ATG7: variants seen among roughly 807,000 people sequenced by gnomAD.
ATG7 encodes the protein autophagy related 7, also known as ubiquitin-like modifier-activating enzyme ATG7.
ATG7 carries 70 observed loss-of-function variants against 82.4 expected under a neutral mutation model. The ratio of observed to expected loss-of-function variants is 0.85; its 90% CI spans 0.70 to 1.04. ATG7 has a LOEUF of 1.04. Ranked by LOEUF, ATG7 falls within the 50% of genes least tolerant of loss-of-function variation. The pLI is 0.00. For missense variants in ATG7, 792 were observed against 864.3 expected (o/e 0.92, Z 1.05); for synonymous variants, 287 against 313.0 (o/e 0.92, Z 0.88).
At chr3:11,336,019 A>G (rs1023223895) in intron 11 of ATG7, among the ~76,000 whole-genome samples, 2 of 146,610 alleles carry the variant, frequency 1.4e-5, no homozygotes, top group Non-Finnish European at 3.0e-5. Flanking sequence ...TACAGGCATG[A>G]GCCACTGTGC....
At chr3:11,526,414 A>C (rs1284381532) in intron 20 of ATG7, among the ~76,000 whole-genome samples, 3 of 152,108 alleles carry the variant, frequency 2.0e-5, no homozygotes, top group Admixed American at 1.3e-4. Context: ...AAAAACCCCC[A>C]GACAACAAGA....
At chr3:11,477,382 T>C in intron 20 of ATG7, 1 of 939,164 alleles carries the variant, frequency 1.1e-6, no homozygotes. Flanking sequence ...TGCTGTGAAA[T>C]GCTAAATGGA....
intron 18 of ATG7, among the ~76,000 whole-genome samples, chr3:11,375,293 G>A (rs1050066036): frequency 3.3e-5 from 5 of 152,164 alleles, no homozygotes; most frequent in African/African-American, 1.2e-4. Context: ...TCCAGAATAT[G>A]TAACAAACTT....
intron 7 of ATG7, among the ~76,000 whole-genome samples, chr3:11,312,473 T>C (rs1336245587): frequency 2.6e-5 from 4 of 152,196 alleles, no homozygotes; most frequent in South Asian, 2.1e-4. Flanking sequence ...CGGTCAGATA[T>C]ACCCGTGAAG....
chr3:11,301,768 A>T (rs1165164205), intron 5 of ATG7, among the ~76,000 whole-genome samples: 1 of 152,242 alleles, frequency 6.6e-6, no homozygotes, highest in Admixed American at 6.5e-5. Context: ...GGGGAGCATC[A>T]ACAGTCTGTT....
At chr3:11,352,077 C>T (rs1425543290) in intron 14 of ATG7, among the ~76,000 whole-genome samples, 4 of 149,742 alleles carry the variant, frequency 2.7e-5, no homozygotes, top group Admixed American at 1.3e-4. Flanking sequence ...GTTCAATTCC[C>T]ACATATGAGT....
chr3:11,547,090 CG>C (rs1559825832), intron 20 of ATG7, among the ~76,000 whole-genome samples: 1 of 152,136 alleles, frequency 6.6e-6, no homozygotes, highest in East Asian at 1.9e-4. Context: ...GCGTGACAGG[CG>C]GTGAATGGAA....
At chr3:11,558,461 A>T (rs879786287), downstream of ATG7, 1 of 543,790 alleles carries the variant, frequency 1.8e-6, no homozygotes, top group Non-Finnish European at 2.7e-6. Flanking sequence ...CCTTCCCCCC[A>T]CCCCACCCCC....
At chr3:11,441,615 A>T (rs2083973945) in intron 20 of ATG7, among the ~76,000 whole-genome samples, 1 of 147,842 alleles carries the variant, frequency 6.8e-6, no homozygotes, top group Non-Finnish European at 1.5e-5. Flanking sequence ...GTACCCAAAT[A>T]TTGGTTTATC....
At chr3:11,560,583 G>A (rs1008570875), downstream of ATG7, among the ~76,000 whole-genome samples, 1 of 152,226 alleles carries the variant, frequency 6.6e-6, no homozygotes, top group Non-Finnish European at 1.5e-5. Context: ...GATTGGGAAT[G>A]GTGAAAGTGG....
intron 20 of ATG7, among the ~76,000 whole-genome samples, chr3:11,470,333 A>G (rs879825036): frequency 2.6e-5 from 4 of 152,188 alleles, no homozygotes; most frequent in South Asian, 2.1e-4. Flanking sequence ...GGTCCAGCCT[A>G]TTGCTGCTAT....
At position 11,480,028 on chromosome 3, in the gene ATG7, C is replaced by T. The variant is rs78594398; in HGVS notation, c.2079+53102C>T. On this transcript the variant is annotated intron_variant, in intron 20 of 20. Transcript: ENST00000693202. ...CTGCAAGTCCCGTCTCTGGGGTTCACGACATTCTCCTGCCTCAGCCTCCCA... is the reference window on the plus strand; with the variant it reads ...CTGCAAGTCCCGTCTCTGGGGTTCATGACATTCTCCTGCCTCAGCCTCCCA... Among the ~76,000 whole-genome samples the T allele has an allele frequency of 2.3e-3, 343 of 151,912 alleles. 3 individuals carry two copies. The highest frequency in any genetic ancestry group is 7.6e-3 in the African/African-American group (314 of 41,420).
At chr3:11,321,139 A>T (rs1950160060) in intron 9 of ATG7, among the ~76,000 whole-genome samples, 1 of 152,222 alleles carries the variant, frequency 6.6e-6, no homozygotes, top group Non-Finnish European at 1.5e-5. Flanking sequence ...ATGTGCACAC[A>T]GTTCTGCGTC....
intron 4 of ATG7, 104 bp from the exon 5 acceptor site, chr3:11,299,258 C>A (rs570022354): frequency 9.1e-7 from 1 of 1,101,254 alleles, no homozygotes; most frequent in Non-Finnish European, 1.4e-6. Context: ...TTGGATGGGG[C>A]GCCTTGGGCT....
chr3:11,477,239 A>G, intron 20 of ATG7: 1 of 1,281,496 alleles, frequency 7.8e-7, no homozygotes, highest in Non-Finnish European at 1.0e-6. Context: ...TTCCTCGCCC[A>G]TCTGATTCTT....
intron 20 of ATG7, among the ~76,000 whole-genome samples, chr3:11,551,359 G>T (rs944700492): frequency 6.6e-6 from 1 of 152,192 alleles, no homozygotes; most frequent in Non-Finnish European, 1.5e-5. Context: ...TGTTAACTTT[G>T]AAAATTGAGA....
At chr3:11,400,265 T>G (rs79163198) in intron 19 of ATG7, among the ~76,000 whole-genome samples, 2 of 152,318 alleles carry the variant, frequency 1.3e-5, no homozygotes, top group East Asian at 3.9e-4. Context: ...TTCAATAATT[T>G]ACCCACCCAC....
intron 3 of ATG7, among the ~76,000 whole-genome samples, chr3:11,294,944 C>G (rs924160879): frequency 3.3e-5 from 5 of 152,138 alleles, no homozygotes. Context: ...GAAACCACAT[C>G]TCTCCTAAAA....
intron 19 of ATG7, among the ~76,000 whole-genome samples, chr3:11,407,789 G>A (rs981735390): frequency 9.2e-5 from 14 of 152,190 alleles, no homozygotes; most frequent in Non-Finnish European, 1.6e-4. Context: ...GAGTGTCTGG[G>A]ATGCAGGGCA....
Sources: gnomAD v4.1 joint callset for allele counts (sites outside exome capture counted in the v4.1 genomes callset) on GRCh38, gnomAD v4.1.1 for gene constraint, MANE v1.5 for transcripts, NCBI Gene and HGNC (gene_info 2026-07-23, HGNC 2026-07-21) for gene names.